The following GRHL2 variants were observed in gnomAD, a reference collection of about 807,000 sequenced individuals.
The protein encoded by GRHL2 is grainyhead like transcription factor 2, also known as grainyhead-like protein 2 homolog.
A neutral mutation model predicts 83.8 loss-of-function variants in GRHL2; 21 were observed. That is an observed-to-expected ratio of 0.25 (90% CI 0.18 to 0.36). The LOEUF (loss-of-function observed/expected upper bound fraction) is 0.36. GRHL2 is among the 10% of genes least tolerant of loss of function. The pLI is 1.00. For synonymous variants in GRHL2, 280 were observed against 278.9 expected, an observed-to-expected ratio of 1.00 and a Z score of -0.04; for missense variants, 623 against 781.8, an observed-to-expected ratio of 0.80 and a Z score of 2.42.
At chr8:101,658,119 C>T (rs1813839085) in intron 14 of GRHL2, among the ~76,000 whole-genome samples, 1 of 152,206 alleles carries the variant, frequency 6.6e-6, no homozygotes, top group Non-Finnish European at 1.5e-5. Context: ...AGGCAGGGAA[C>T]ACTGTCCCAG....
At chr8:101,652,068 G>T (rs1003140315) in intron 14 of GRHL2, among the ~76,000 whole-genome samples, 1 of 152,050 alleles carries the variant, frequency 6.6e-6, no homozygotes, top group Non-Finnish European at 1.5e-5. Flanking sequence ...GAATTGTCAA[G>T]AACAGTGGCT....
intron 13 of GRHL2, among the ~76,000 whole-genome samples, chr8:101,646,677 G>A (rs1813517351): frequency 6.6e-6 from 1 of 152,236 alleles, no homozygotes; most frequent in Non-Finnish European, 1.5e-5. Flanking sequence ...CACGATTATT[G>A]GTTTTTGCCT....
intron 8 of GRHL2, among the ~76,000 whole-genome samples, chr8:101,600,916 G>C (rs986146141): frequency 1.3e-5 from 2 of 152,172 alleles, no homozygotes; most frequent in Admixed American, 6.5e-5. Flanking sequence ...CCAGCACTTT[G>C]AGAGGCCAAG....
chr8:101,619,553 G>A lies in GRHL2; in HGVS notation c.1113G>A (p.Val371=). ...VNEEAKIFIT[V]NCLSTDFSSQ... Reference sequence around the variant, plus strand: ...CTTTCCCTCAGATTTTCATCACCGTGAATTGCTTGAGCACAGATTTCTCCT... The same window carrying A: ...CTTTCCCTCAGATTTTCATCACCGTAAATTGCTTGAGCACAGATTTCTCCT... The change falls in exon 9 of 16, where the codon GTG becomes GTA. Residue 371 remains valine, a synonymous_variant. Transcript: ENST00000646743. The A allele has an allele frequency of 6.2e-7, 1 of 1,613,780 alleles. No individual in the cohort carries two copies. Among genetic ancestry groups the A allele is most frequent in the Non-Finnish European group, 8.5e-7 (1 of 1,179,884 alleles).
intron 1 of GRHL2, among the ~76,000 whole-genome samples, chr8:101,522,270 GA>G (rs1302965597): frequency 4.6e-5 from 7 of 150,750 alleles, no homozygotes; most frequent in South Asian, 2.1e-4. Flanking sequence ...AAGATAGTCA[GA>G]AAAAAAATAA....
chr8:101,604,007 GTTT>G (rs10578688), intron 8 of GRHL2, among the ~76,000 whole-genome samples: 6 of 110,716 alleles, frequency 5.4e-5, no homozygotes, highest in East Asian at 2.7e-4. Flanking sequence ...CCCCTGTTGA[GTTT>G]TTTTTTTGCA....
At chr8:101,529,708 A>G (rs1810881433) in intron 1 of GRHL2, 1 of 153,216 alleles carries the variant, frequency 6.5e-6, no homozygotes, top group African/African-American at 2.4e-5. Flanking sequence ...TCTTTTACTC[A>G]TGTAAGGTTT....
At chr8:101,678,085 G>A in the GRHL2 span, among the ~76,000 whole-genome samples, 1 of 152,146 alleles carries the variant, frequency 6.6e-6, no homozygotes. Context: ...AAGAGAAGGA[G>A]GTCCGGAATA....
At chr8:101,533,745 G>C (rs1389988274) in intron 1 of GRHL2, among the ~76,000 whole-genome samples, 1 of 152,170 alleles carries the variant, frequency 6.6e-6, no homozygotes, top group African/African-American at 2.4e-5. Context: ...TTGGACAAAA[G>C]CTTAAAGGAG....
chr8:101,516,134 G>A (rs77064817), intron 1 of GRHL2, among the ~76,000 whole-genome samples: 5,228 of 152,208 alleles, frequency 0.034, 113 homozygotes, highest in Middle Eastern at 0.061. Flanking sequence ...TTCTCAGGAG[G>A]TCCGGTGCCC....
intron 11 of GRHL2, among the ~76,000 whole-genome samples, chr8:101,634,424 G>A (rs566806420): frequency 6.6e-6 from 1 of 152,282 alleles, no homozygotes; most frequent in East Asian, 1.9e-4. Flanking sequence ...AAAGACAGGA[G>A]GGAAGAGGCA....
chr8:101,542,801 A>T, intron 1 of GRHL2: 1 of 456,756 alleles, frequency 2.2e-6, no homozygotes, highest in Non-Finnish European at 4.4e-6. Flanking sequence ...AAGGGTAAAG[A>T]GAGAGTAAGA....
intron 1 of GRHL2, among the ~76,000 whole-genome samples, chr8:101,524,823 T>C (rs1487225940): frequency 6.6e-6 from 1 of 152,176 alleles, no homozygotes. Context: ...TTTGAAAGTA[T>C]TTATCTTTTG....
chr8:101,581,497 C>T (rs916597750), intron 7 of GRHL2, among the ~76,000 whole-genome samples: 9 of 152,138 alleles, frequency 5.9e-5, no homozygotes, highest in African/African-American at 1.7e-4. Flanking sequence ...ATTCCTATGT[C>T]GGTTATACCT....
chr8:101,597,128 C>T (rs1265314332), intron 7 of GRHL2, among the ~76,000 whole-genome samples: 1 of 152,168 alleles, frequency 6.6e-6, no homozygotes, highest in Non-Finnish European at 1.5e-5. Context: ...GGAGGCTGCA[C>T]TGGCTGATCC....
chr8:101,570,095 A>G (rs1165385602), intron 4 of GRHL2, among the ~76,000 whole-genome samples: 1 of 152,244 alleles, frequency 6.6e-6, no homozygotes, highest in Non-Finnish European at 1.5e-5. Context: ...CAAACTCTGT[A>G]GGAACACCTG....
chr8:101,562,114 T>G, intron 4 of GRHL2: 1 of 664,836 alleles, frequency 1.5e-6, no homozygotes, highest in South Asian at 1.4e-5. Context: ...TTGCTTTACT[T>G]CTTTGATATC....
intron 8 of GRHL2, among the ~76,000 whole-genome samples, chr8:101,610,408 C>T (rs1389871892): frequency 6.6e-6 from 1 of 150,394 alleles, no homozygotes; most frequent in Non-Finnish European, 1.5e-5. Flanking sequence ...AACTGGGGGA[C>T]CCTGGGAATG....
At chr8:101,674,762 G>A in the GRHL2 span, among the ~76,000 whole-genome samples, 1 of 152,044 alleles carries the variant, frequency 6.6e-6, no homozygotes, top group East Asian at 1.9e-4. Context: ...CCAAAAAAGG[G>A]AATTTTAGAC....
Sources: allele counts gnomAD v4.1 joint callset (sites outside exome capture counted in the v4.1 genomes callset), GRCh38; gene constraint gnomAD v4.1.1; transcripts MANE v1.5; gene names NCBI Gene and HGNC (gene_info 2026-07-23, HGNC 2026-07-21).